The following PSMA5 variants were observed in gnomAD, a reference collection of about 807,000 sequenced individuals.
The protein encoded by PSMA5 is proteasome 20S subunit alpha 5.
PSMA5 carries 3 observed loss-of-function variants against 34.5 expected under a neutral mutation model. The observed-to-expected ratio is 0.09, with a 90% CI of 0.04 to 0.22. The LOEUF is 0.22. Among genes scored for constraint, PSMA5 ranks in the 10% least tolerant of loss-of-function variants. The pLI, the probability that PSMA5 is intolerant of heterozygous loss-of-function variation, is 1.00. For missense variants in PSMA5, 120 were observed against 286.1 expected (o/e 0.42, Z 4.19); for synonymous variants, 88 against 95.8 (o/e 0.92, Z 0.47).
chr1:109,424,605 G>A (rs891093985), intron 1 of PSMA5, among the ~76,000 whole-genome samples: 1 of 152,014 alleles, frequency 6.6e-6, no homozygotes, highest in Admixed American at 6.6e-5. Context: ...AGGAAACCCT[G>A]TCTCTACTAA....
rs1221762481 is a variant in PSMA5, at chr1:109,402,049, T to C, written c.690A>G (p.Thr230=). The C allele has an allele frequency of 3.1e-6, 5 of 1,612,582 alleles. No homozygotes were observed. The highest frequency in any genetic ancestry group is 1.7e-5 in the Admixed American group (1 of 59,772). The change falls in exon 9 of 9, where the codon ACA becomes ACG. Residue 230 remains threonine (T), a synonymous_variant. Transcript: ENST00000271308. ...TGATAACCTCTTCAAGTTCTTCCTTTGTGAACATGTGGAAATTCTGGCCAG... is the reference window on the plus strand; with the variant it reads ...TGATAACCTCTTCAAGTTCTTCCTTCGTGAACATGTGGAAATTCTGGCCAG... The part of the protein sequence containing the change: ...VQPGQNFHMF[T]KEELEEVIKD...
intron 8 of PSMA5, among the ~76,000 whole-genome samples, chr1:109,409,265 T>C (rs906029171): frequency 6.6e-6 from 1 of 152,180 alleles, no homozygotes; most frequent in Non-Finnish European, 1.5e-5. Flanking sequence ...CAATCAATTC[T>C]GATGCCTCAG....
chr1:109,422,128 C>T (rs148527183), intron 1 of PSMA5, among the ~76,000 whole-genome samples: 51 of 152,284 alleles, frequency 3.3e-4, no homozygotes, highest in African/African-American at 1.2e-3. Context: ...TAGAACACTT[C>T]TGCCTCACTC....
In PSMA5 at chr1:109,402,100, A is replaced by C. The variant is rs1653556437; in HGVS notation, c.649-10T>G. On this transcript the variant is annotated splice_polypyrimidine_tract_variant and intron_variant, in intron 8 of 8. Transcript: ENST00000271308. ...GCTGCACTGTGGCTAGCTGGAAAGA[A>C]AACAGAAGGGTTAATAAGCTGGGCT... is the stretch of plus-strand genomic sequence containing the variant. 6.2e-7 allele frequency: 1 copy of C among 1,606,424 alleles called. No homozygotes were observed. The highest frequency in any genetic ancestry group is 8.5e-7 in the Non-Finnish European group (1 of 1,174,286).
intron 8 of PSMA5, among the ~76,000 whole-genome samples, chr1:109,405,383 G>A (rs1653707743): frequency 2.7e-5 from 4 of 150,470 alleles, no homozygotes; most frequent in Admixed American, 2.6e-4. Context: ...GACTTAAGAA[G>A]TAGTGAATTA....
chr1:109,412,159 G>A lies in PSMA5; in HGVS notation c.317C>T (p.Thr106Ile), dbSNP rs1654015816. 1.2e-6 allele frequency: 2 copies of A among 1,614,012 alleles called. No homozygotes were observed. Among genetic ancestry groups the A allele is most frequent in the South Asian group, 1.1e-5 (1 of 91,086 alleles). The change falls in exon 5 of 9, where the codon ACA (threonine) becomes ATA (isoleucine). Residue 106 changes from threonine to isoleucine, a missense_variant. This residue lies in a region of PSMA5 where 83 missense variants were observed against 203.2 expected (regional missense o/e 0.41). Transcript: ENST00000271308. The part of the protein sequence containing the change: ...TQNHWFTYNE[T>I]MTVESVTQAV... ...TTGGGTCACACTCTCCACTGTCATT[G>A]TCTCATTGTAGGTGAACCAGTGGTT...
chr1:109,423,488 T>C (rs1034935949), intron 1 of PSMA5, among the ~76,000 whole-genome samples: 3 of 152,244 alleles, frequency 2.0e-5, no homozygotes, highest in East Asian at 1.9e-4. Context: ...ATTTAAATGT[T>C]TGCTGAACAT....
At chr1:109,417,207 A>G (rs1327444994) in intron 2 of PSMA5, among the ~76,000 whole-genome samples, 1 of 152,264 alleles carries the variant, frequency 6.6e-6, no homozygotes, top group African/African-American at 2.4e-5. Context: ...TTGATGTAAG[A>G]TTAAAGGACT....
intron 8 of PSMA5, among the ~76,000 whole-genome samples, chr1:109,407,575 T>C (rs930691140): frequency 1.3e-5 from 2 of 152,210 alleles, no homozygotes; most frequent in Admixed American, 6.5e-5. Flanking sequence ...TCAACAAATA[T>C]CCTGGTAAGT....
At chr1:109,404,671 A>G (rs1292633175) in intron 8 of PSMA5, among the ~76,000 whole-genome samples, 2 of 152,246 alleles carry the variant, frequency 1.3e-5, no homozygotes, top group Non-Finnish European at 2.9e-5. Context: ...AATATGAAAG[A>G]TACTTTTCTA....
chr1:109,425,740 T>G (rs1654629220), intron 1 of PSMA5: 1 of 152,832 alleles, frequency 6.5e-6, no homozygotes, highest in Non-Finnish European at 1.5e-5. Flanking sequence ...AGAAAAAATT[T>G]TGGTCAATTG....
intron 3 of PSMA5, among the ~76,000 whole-genome samples, chr1:109,413,781 C>T (rs1280236088): frequency 6.6e-6 from 1 of 152,110 alleles, no homozygotes; most frequent in Non-Finnish European, 1.5e-5. Context: ...CCTTCCAGAC[C>T]CCGTCTTCTT....
chr1:109,399,254 T>C lies in PSMA5; in HGVS notation c.*2759A>G, dbSNP rs866413378. The C allele has an allele frequency of 2.0e-5, 3 of 152,346 alleles. No individual in the cohort carries two copies. Among genetic ancestry groups the C allele is most frequent in the Non-Finnish European group, 2.9e-5 (2 of 68,032 alleles). 9.4% of individuals were successfully genotyped at this position (152,346 alleles called of 1,614,324 possible). On this transcript the variant is annotated 3_prime_UTR_variant, in exon 9 of 9. Coordinates refer to ENST00000271308, the MANE Select transcript of PSMA5 (RefSeq NM_002790.4). ...GTTTTTGAATGCCATCTGAGCAGGA[T>C]AGTAAAATCACTAGAATAGTCTTTT...
chr1:109,415,120 GA>G lies in PSMA5; in HGVS notation c.223+116del. On this transcript the variant is annotated intron_variant, in intron 3 of 8. Coordinates refer to ENST00000271308, the MANE Select transcript of PSMA5 (RefSeq NM_002790.4). The stretch of plus-strand genomic sequence containing the variant: ...TTTACGCATTCTGGCCTACTGCCTG[GA>G]AAATAATAGCTAACAAGGGGATAAC... 3 of 1,293,920 alleles carry G rather than the reference GA, an allele frequency of 2.3e-6. 1 individual carries two copies. The East Asian group carries it at 7.4e-5, about 32-fold the overall frequency. 80.2% of individuals were successfully genotyped at this position (1,293,920 alleles called of 1,614,324 possible).
In PSMA5 at chr1:109,426,026, C is replaced by G. The variant is rs938259140; in HGVS notation, c.29+276G>C. 5.3e-6 allele frequency: 3 copies of G among 564,344 alleles called. No individual in the cohort carries two copies. In the African/African-American group the frequency reaches 5.6e-5, roughly 11 times the overall value. The allele number at this position is 564,344 out of a possible 1,614,324, so 35.0% of individuals were successfully genotyped here. A position where few individuals can be genotyped will look rare whatever the true frequency, so the allele number is the denominator to read the frequency against. On this transcript the variant is annotated intron_variant, in intron 1 of 8. Transcript: ENST00000271308. ...CTTCTCCGGGTTCAAGGTAGGAGTT[C>G]CGGCTCCTCACGCCTTCTTTACCAA...
rs1653401235 is a variant in PSMA5 at position 109,399,306 on chromosome 1, G to T, written c.*2707C>A. On this transcript the variant is annotated 3_prime_UTR_variant, in exon 9 of 9. Coordinates refer to ENST00000271308, the MANE Select transcript of PSMA5 (RefSeq NM_002790.4). Reference sequence around the variant, plus strand: ...AAGTTCTCAGTTACTGGACTGAAAAGATAAAGCTGATGAAAATTGGTGAAC... The same window carrying T: ...AAGTTCTCAGTTACTGGACTGAAAATATAAAGCTGATGAAAATTGGTGAAC... 1 of 152,180 alleles carries T rather than the reference G, an allele frequency of 6.6e-6. No homozygotes were observed. The highest frequency in any genetic ancestry group is 1.5e-5 in the Non-Finnish European group (1 of 68,016). The allele number at this position is 152,180 out of a possible 1,614,324, so 9.4% of individuals were successfully genotyped here.
intron 2 of PSMA5, among the ~76,000 whole-genome samples, chr1:109,420,213 T>C (rs377041805): frequency 9.2e-5 from 14 of 152,202 alleles, no homozygotes; most frequent in African/African-American, 2.2e-4. Context: ...AATGTAACTA[T>C]TGACTAATGA....
Position 109,411,022 on chromosome 1 carries a change from C to T in PSMA5, c.550G>A (p.Val184Ile). 6.2e-7 allele frequency: 1 copy of T among 1,611,336 alleles called. No homozygotes were observed. Among genetic ancestry groups the T allele is most frequent in the South Asian group, 1.1e-5 (1 of 90,786 alleles). Residue 184 changes from valine to isoleucine, a missense_variant, in exon 7 of 9, where the codon GTT (valine) becomes ATT (isoleucine). By Grantham distance (29) the Val-to-Ile change is conservative. Around this residue, in one of 3 missense-constraint regions of PSMA5, gnomAD observed 83 missense variants for 203.2 expected, o/e 0.41. Transcript: ENST00000271308. Reference protein sequence around the residue: ...SEGAQSSLQEVYHKSMTLKEA... With the variant: ...SEGAQSSLQEIYHKSMTLKEA... ...GAATACTTAATTACCTTGTGGTAAA[C>T]TTCTTGCAAGGAGCTCTGGGCACCC...
At chr1:109,411,170 A>G in intron 6 of PSMA5, 57 bp from the exon 7 acceptor site, 1 of 1,238,950 alleles carries the variant, frequency 8.1e-7, no homozygotes, top group African/African-American at 1.5e-5. Flanking sequence ...ACTTTATGTA[A>G]CAAACGTCTC....
Sources: allele counts gnomAD v4.1 joint callset (sites outside exome capture counted in the v4.1 genomes callset), GRCh38; gene constraint gnomAD v4.1.1; regional missense constraint gnomAD v4.1.1; transcripts MANE v1.5; gene names NCBI Gene and HGNC (gene_info 2026-07-23, HGNC 2026-07-21).